Variants in LGR6 observed in about 807,000 individuals in gnomAD.
The protein encoded by LGR6 is leucine rich repeat containing G protein-coupled receptor 6, also known as leucine-rich repeat-containing G protein-coupled receptor 6.
In LGR6, 45 loss-of-function variants were observed where a neutral mutation model predicts 69.4. That is an observed-to-expected ratio of 0.65 (90% CI 0.51 to 0.83). LGR6 has a LOEUF of 0.83. Among genes scored for constraint, LGR6 ranks in the 40% least tolerant of loss-of-function variants. LGR6 has a pLI of 0.00. For missense variants in LGR6, 1,108 were observed against 1,246.7 expected, an observed-to-expected ratio of 0.89 and a Z score of 1.68; for synonymous variants, 538 against 555.0, an observed-to-expected ratio of 0.97 and a Z score of 0.43.
chr1:202,314,566 G>A (rs1653995491), intron 16 of LGR6, among the ~76,000 whole-genome samples: 1 of 152,212 alleles, frequency 6.6e-6, no homozygotes, highest in African/African-American at 2.4e-5. Flanking sequence ...AGAAAGAGAA[G>A]GTCTAGGTGA....
intron 1 of LGR6, among the ~76,000 whole-genome samples, chr1:202,216,592 G>A (rs937948761): frequency 1.3e-5 from 2 of 152,176 alleles, no homozygotes; most frequent in Non-Finnish European, 2.9e-5. Flanking sequence ...TGGCCACTGC[G>A]CTGGACAGTG....
Position 202,280,855 on chromosome 1 carries a change from G to A in LGR6, c.716+3G>A, listed in dbSNP as rs1665946846. On this transcript the variant is annotated splice_donor_region_variant and intron_variant, in intron 6 of 17. Coordinates refer to ENST00000367278, the MANE Select transcript of LGR6 (RefSeq NM_001017403.2). ...GGGCTGCACAATCTGGAGACACTGT[G>A]AGTTTTGAGGTCTTGGTCAAACTCT... 1 of 1,612,926 alleles carries A rather than the reference G, an allele frequency of 6.2e-7. No individual in the cohort carries two copies. The highest frequency in any genetic ancestry group is 1.1e-5 in the South Asian group (1 of 90,846).
At position 202,280,655 on chromosome 1, in the gene LGR6, A is replaced by T. The variant is rs144799271; in HGVS notation, c.645-126A>T. Reference sequence around the variant, plus strand: ...TCAGTTTGTTCCTGGAAACAAACGGATGGACCATTAGGGTCATTCTGTCCA... The same window carrying T: ...TCAGTTTGTTCCTGGAAACAAACGGTTGGACCATTAGGGTCATTCTGTCCA... On this transcript the variant is annotated intron_variant, in intron 5 of 17. Coordinates refer to ENST00000367278, the MANE Select transcript of LGR6 (RefSeq NM_001017403.2). 2,509 of 855,686 alleles carry T rather than the reference A, an allele frequency of 2.9e-3. 14 individuals are homozygous for T. Among genetic ancestry groups the T allele is most frequent in the Non-Finnish European group, 4.7e-3 (2,359 of 502,508 alleles). The allele number at this position is 855,686 out of a possible 1,614,324, so 53.0% of individuals were successfully genotyped here.
At chr1:202,283,006 G>C (rs1344317656) in intron 6 of LGR6, among the ~76,000 whole-genome samples, 1 of 152,198 alleles carries the variant, frequency 6.6e-6, no homozygotes, top group Non-Finnish European at 1.5e-5. Context: ...GTGTGACCTT[G>C]GTAAAATCAT....
chr1:202,249,761 T>C (rs1488609317), intron 4 of LGR6, among the ~76,000 whole-genome samples: 1 of 152,118 alleles, frequency 6.6e-6, no homozygotes, highest in Non-Finnish European at 1.5e-5. Context: ...TAGGTCCTCT[T>C]TTCCTTACTT....
intron 1 of LGR6, among the ~76,000 whole-genome samples, chr1:202,205,954 C>CACAG (rs1307572471): frequency 3.8e-5 from 5 of 131,668 alleles, no homozygotes; most frequent in Admixed American, 8.3e-5. Flanking sequence ...AGAACACACA[C>CACAG]ACACACAGAC....
chr1:202,205,435 ACCT>A (rs1188082373), intron 1 of LGR6, among the ~76,000 whole-genome samples: 89 of 42,160 alleles, frequency 2.1e-3, no homozygotes, highest in African/African-American at 6.8e-3. Context: ...CCTAACACAC[ACCT>A]CCTTCAAACA....
rs1392270829 is a variant in LGR6 at position 202,310,266 on chromosome 1, T to C, written c.1476T>C (p.Ser492=). 1 of 1,614,104 alleles carries C rather than the reference T, an allele frequency of 6.2e-7. No homozygotes were observed. Among genetic ancestry groups the C allele is most frequent in the Non-Finnish European group, 8.5e-7 (1 of 1,180,006 alleles). ...TGTGTGCCAGCTTCTTCAAGGCCTC[T>C]GGGCAGTGGGAGGCTGAAGACCTTC... The part of the protein sequence containing the change: ...YGMCASFFKA[S]GQWEAEDLHL... The change falls in exon 16 of 18, where the codon TCT becomes TCC. Residue 492 remains serine, a synonymous_variant. Coordinates refer to ENST00000367278, the MANE Select transcript of LGR6 (RefSeq NM_001017403.2).
intron 1 of LGR6, among the ~76,000 whole-genome samples, chr1:202,196,205 C>T (rs1413040369): frequency 6.6e-6 from 1 of 151,974 alleles, no homozygotes; most frequent in Non-Finnish European, 1.5e-5. Context: ...GGACCGTGTC[C>T]CCTGCCCTGG....
intron 12 of LGR6, 81 bp from the exon 13 acceptor site, chr1:202,306,787 C>G: frequency 1.5e-6 from 2 of 1,297,102 alleles, no homozygotes; most frequent in South Asian, 1.2e-5. Flanking sequence ...GCTCTACTTT[C>G]TTCCTCCCAG....
At chr1:202,286,843 T>C (rs1666428040) in intron 6 of LGR6, among the ~76,000 whole-genome samples, 1 of 152,162 alleles carries the variant, frequency 6.6e-6, no homozygotes, top group African/African-American at 2.4e-5. Flanking sequence ...GACGAGTTAT[T>C]AATAGTTCTT....
At chr1:202,290,416 A>G (rs1291396623) in intron 6 of LGR6, among the ~76,000 whole-genome samples, 18 of 152,118 alleles carry the variant, frequency 1.2e-4, no homozygotes, top group Admixed American at 1.2e-3. Context: ...CTCTCCCTAA[A>G]ATTTTTTTGT....
In LGR6 at chr1:202,282,146, A is replaced by G. The variant is rs576386798; in HGVS notation, c.716+1294A>G. On this transcript the variant is annotated intron_variant, in intron 6 of 17. Coordinates refer to ENST00000367278, the MANE Select transcript of LGR6 (RefSeq NM_001017403.2). Reference sequence around the variant, plus strand: ...AAGACTGAGGACTGAGGTGTGGGGGACATGCCCCAGCCTGGAGGCAGGAAA... The same window carrying G: ...AAGACTGAGGACTGAGGTGTGGGGGGCATGCCCCAGCCTGGAGGCAGGAAA... 2.6e-5 allele frequency among the ~76,000 whole-genome samples: 4 copies of G among 152,226 alleles called. No individual in the cohort carries two copies. In the East Asian group the frequency reaches 7.7e-4, roughly 29 times the overall value.
At chr1:202,239,150 C>G (rs902323127) in intron 4 of LGR6, among the ~76,000 whole-genome samples, 1 of 152,112 alleles carries the variant, frequency 6.6e-6, no homozygotes, top group Non-Finnish European at 1.5e-5. Context: ...AGGTGTCTTC[C>G]GGCCGGCTCT....
Position 202,303,760 on chromosome 1 carries a change from C to T in LGR6, c.998+413C>T, listed in dbSNP as rs76980483. On this transcript the variant is annotated intron_variant, in intron 10 of 17. Coordinates refer to ENST00000367278, the MANE Select transcript of LGR6 (RefSeq NM_001017403.2). ...GTGGCATAGAGGGCAGGAGTGCCGA[C>T]GCATAGTAGGCCCTCAATACATTTA... Among the ~76,000 whole-genome samples, 1,283 of 152,246 alleles carry T rather than the reference C, an allele frequency of 8.4e-3. 13 individuals are homozygous for T. Among genetic ancestry groups the T allele is most frequent in the Non-Finnish European group, 0.013 (894 of 68,014 alleles).
chr1:202,248,538 C>T (rs528896478), intron 4 of LGR6, among the ~76,000 whole-genome samples: 101 of 152,320 alleles, frequency 6.6e-4, no homozygotes, highest in African/African-American at 2.3e-3. Flanking sequence ...CTTTGCCCTC[C>T]CTTAAACGAC....
chr1:202,297,597 C>T, intron 7 of LGR6, 21 bp downstream of exon 7: 5 of 1,608,686 alleles, frequency 3.1e-6, no homozygotes, highest in Non-Finnish European at 4.3e-6. Flanking sequence ...CTTTTGGTTT[C>T]TGTGGGTGTC....
At chr1:202,246,611 A>G (rs1662727688) in intron 4 of LGR6, among the ~76,000 whole-genome samples, 1 of 151,956 alleles carries the variant, frequency 6.6e-6, no homozygotes, top group East Asian at 2.0e-4. Flanking sequence ...CCAAGACCCC[A>G]TCTTCATCCT....
Position 202,216,575 on chromosome 1 carries a change from C to T in LGR6, c.213-8848C>T, listed in dbSNP as rs538562550. ...TAATGAACTTAAATATAGTCACAAGCGGCTAGTGGCCACTGCGCTGGACAG... is the reference window on the plus strand; with the variant it reads ...TAATGAACTTAAATATAGTCACAAGTGGCTAGTGGCCACTGCGCTGGACAG... On this transcript the variant is annotated intron_variant, in intron 1 of 17. Coordinates refer to ENST00000367278, the MANE Select transcript of LGR6 (RefSeq NM_001017403.2). Among the ~76,000 whole-genome samples the T allele has an allele frequency of 8.5e-5, 13 of 152,286 alleles. No individual in the cohort carries two copies. In the South Asian group the frequency reaches 1.2e-3, roughly 15 times the overall value.
Sources: allele counts gnomAD v4.1 joint callset (sites outside exome capture counted in the v4.1 genomes callset), GRCh38; gene constraint gnomAD v4.1.1; transcripts MANE v1.5; gene names NCBI Gene and HGNC (gene_info 2026-07-23, HGNC 2026-07-21).